The following AUTS2 variants were observed in gnomAD, a reference collection of about 807,000 sequenced individuals.
AUTS2 encodes activator of transcription and developmental regulator AUTS2.
In AUTS2, 17 loss-of-function variants were observed where a neutral mutation model predicts 112.4. The observed-to-expected ratio is 0.15, with a 90% CI of 0.10 to 0.23. The LOEUF is 0.23. Among genes scored for constraint, AUTS2 ranks in the 10% least tolerant of loss-of-function variants. The pLI, the probability that AUTS2 is intolerant of heterozygous loss-of-function variation, is 1.00. For missense variants in AUTS2, 1,510 were observed against 1,701.6 expected (o/e 0.89, Z 1.98); for synonymous variants, 751 against 702.7 (o/e 1.07, Z -1.09).
At chr7:70,445,493 A>G (rs1195226684) in intron 5 of AUTS2, among the ~76,000 whole-genome samples, 1 of 152,186 alleles carries the variant, frequency 6.6e-6, no homozygotes, top group Non-Finnish European at 1.5e-5. Context: ...AGAAACATGG[A>G]ACGAATAAAA....
intron 4 of AUTS2, among the ~76,000 whole-genome samples, chr7:70,376,905 C>A (rs891680563): frequency 6.6e-6 from 1 of 151,312 alleles, no homozygotes; most frequent in Admixed American, 6.6e-5. Context: ...TCTGTTATTG[C>A]GTGTTGTTGA....
At chr7:69,773,431 A>G (rs1788753178) in intron 1 of AUTS2, among the ~76,000 whole-genome samples, 1 of 151,700 alleles carries the variant, frequency 6.6e-6, no homozygotes, top group African/African-American at 2.4e-5. Flanking sequence ...CAAAACCTTT[A>G]AACTGGAAAT....
chr7:69,916,124 C>A lies in AUTS2; in HGVS notation c.522+16626C>A, dbSNP rs186773582. ...AGATTATAGAGCTGTTTCTAATTTA[C>A]TATCAAGTTATTTTTTTCCCAAAAG... On this transcript the variant is annotated intron_variant, in intron 2 of 18. Transcript: ENST00000342771. Among the ~76,000 whole-genome samples the A allele has an allele frequency of 1.1e-3, 163 of 152,312 alleles. 1 individual carries two copies. Among genetic ancestry groups the A allele is most frequent in the Non-Finnish European group, 1.5e-3 (104 of 68,016 alleles).
At chr7:69,921,692 ACC>A (rs1337324847) in intron 2 of AUTS2, among the ~76,000 whole-genome samples, 1 of 148,978 alleles carries the variant, frequency 6.7e-6, no homozygotes, top group East Asian at 2.0e-4. Flanking sequence ...AATTGCTTGA[ACC>A]CAGGAGGCAG....
chr7:69,911,034 C>T (rs1016881468), intron 2 of AUTS2, among the ~76,000 whole-genome samples: 1 of 152,212 alleles, frequency 6.6e-6, no homozygotes, highest in Non-Finnish European at 1.5e-5. Flanking sequence ...GGGTTCTTCC[C>T]ATGACATGTG....
intron 5 of AUTS2, among the ~76,000 whole-genome samples, chr7:70,496,068 C>T (rs1335672299): frequency 6.8e-6 from 1 of 146,590 alleles, no homozygotes; most frequent in Non-Finnish European, 1.5e-5. Context: ...TCACACACCC[C>T]ACTCACAGAC....
chr7:70,156,903 A>AAAG (rs1807801718), intron 4 of AUTS2, among the ~76,000 whole-genome samples: 1 of 123,202 alleles, frequency 8.1e-6, no homozygotes, highest in African/African-American at 3.1e-5. Flanking sequence ...AAAAAAAAAA[A>AAAG]AAAAAAAAAA....
chr7:70,489,495 C>T (rs147350551), intron 5 of AUTS2, among the ~76,000 whole-genome samples: 1 of 152,182 alleles, frequency 6.6e-6, no homozygotes, highest in Non-Finnish European at 1.5e-5. Flanking sequence ...ATGTGTCAAC[C>T]TAGGACAAAG....
intron 1 of AUTS2, among the ~76,000 whole-genome samples, chr7:69,809,472 G>T (rs145830007): frequency 6.6e-6 from 1 of 152,124 alleles, no homozygotes; most frequent in Admixed American, 6.6e-5. Flanking sequence ...GCTTAAGAAC[G>T]GAGGAAACAT....
intron 2 of AUTS2, among the ~76,000 whole-genome samples, chr7:70,019,823 T>A (rs1800193903): frequency 6.6e-6 from 1 of 152,190 alleles, no homozygotes; most frequent in Non-Finnish European, 1.5e-5. Flanking sequence ...ATTTAAAAAA[T>A]TTTCGTATGT....
intron 1 of AUTS2, among the ~76,000 whole-genome samples, chr7:69,776,633 G>A (rs966060117): frequency 6.6e-6 from 1 of 152,092 alleles, no homozygotes; most frequent in Non-Finnish European, 1.5e-5. Flanking sequence ...TTCCCAGGCT[G>A]GTCTTGAACT....
chr7:70,744,370 G>A (rs969480964), intron 6 of AUTS2, among the ~76,000 whole-genome samples: 12 of 152,114 alleles, frequency 7.9e-5, no homozygotes, highest in Admixed American at 2.0e-4. Context: ...GCACATCCTC[G>A]GTTTGGGGCC....
intron 1 of AUTS2, among the ~76,000 whole-genome samples, chr7:69,641,659 C>G (rs1794801900): frequency 6.6e-6 from 1 of 152,182 alleles, no homozygotes; most frequent in South Asian, 2.1e-4. Flanking sequence ...TTAGCATTTT[C>G]TCTCAATGCT....
intron 1 of AUTS2, among the ~76,000 whole-genome samples, chr7:69,782,012 A>G (rs1789163783): frequency 2.0e-5 from 3 of 152,190 alleles, no homozygotes; most frequent in Admixed American, 2.0e-4. Flanking sequence ...GAAAGTACAG[A>G]TTCCCGGATG....
At chr7:70,032,904 T>C (rs1295427917) in intron 2 of AUTS2, among the ~76,000 whole-genome samples, 1 of 151,872 alleles carries the variant, frequency 6.6e-6, no homozygotes, top group Non-Finnish European at 1.5e-5. Context: ...AAAGACATTA[T>C]GCTAAGTGAA....
intron 5 of AUTS2, among the ~76,000 whole-genome samples, chr7:70,613,596 A>G (rs1445396658): frequency 1.3e-5 from 2 of 152,118 alleles, no homozygotes; most frequent in African/African-American, 2.4e-5. Flanking sequence ...TCCCACTGTG[A>G]CAGTGTTGAC....
Position 70,763,066 on chromosome 7 carries a change from C to G in AUTS2, c.939C>G (p.Pro313=). 1 of 1,614,130 alleles carries G rather than the reference C, an allele frequency of 6.2e-7. No homozygotes were observed. The highest frequency in any genetic ancestry group is 8.5e-7 in the Non-Finnish European group (1 of 1,180,028). ...CAATACCCCAGCCGCAGACGGAGCC[C>G]CAACTCCGAGCTCCTTCTCCGGACC... ...AQPIPQPQTE[P]QLRAPSPDPD... Residue 313 remains proline, a synonymous_variant, in exon 7 of 19, where the codon CCC becomes CCG. Transcript: ENST00000342771.
intron 4 of AUTS2, among the ~76,000 whole-genome samples, chr7:70,399,653 T>G (rs1242202804): frequency 6.6e-6 from 1 of 152,140 alleles, no homozygotes; most frequent in Non-Finnish European, 1.5e-5. Flanking sequence ...TTGTTTGGTT[T>G]GAGAGAAGCA....
intron 2 of AUTS2, among the ~76,000 whole-genome samples, chr7:69,915,521 A>G (rs1315461797): frequency 6.6e-6 from 1 of 152,194 alleles, no homozygotes; most frequent in Non-Finnish European, 1.5e-5. Flanking sequence ...TGTATTTTCT[A>G]GAAATGGTTT....
Sources: gnomAD v4.1 joint callset for allele counts (sites outside exome capture counted in the v4.1 genomes callset) on GRCh38, gnomAD v4.1.1 for gene constraint, MANE v1.5 for transcripts, NCBI Gene and HGNC (gene_info 2026-07-23, HGNC 2026-07-21) for gene names.